CELF2: variants seen among roughly 807,000 people sequenced by gnomAD.
The protein encoded by CELF2 is CUG triplet repeat RNA-binding protein 2.
Under a neutral mutation model 62.6 loss-of-function variants are expected in CELF2, and 8 were observed. The observed-to-expected ratio is 0.13, with a 90% CI of 0.07 to 0.23. The LOEUF (loss-of-function observed/expected upper bound fraction) is 0.23. Among genes scored for constraint, CELF2 ranks in the 10% least tolerant of loss-of-function variants. The probability of loss-of-function intolerance (pLI) is 1.00; values close to 1 mark genes in which losing one functional copy is unlikely to be tolerated. For synonymous variants in CELF2, 258 were observed against 250.0 expected (o/e 1.03, Z -0.30); for missense variants, 333 against 671.0 (o/e 0.50, Z 5.56).
chr10:10,922,804 G>A (rs1177812512), intron 2 of CELF2: 4 of 152,218 alleles, frequency 2.6e-5, no homozygotes, highest in African/African-American at 9.7e-5. Context: ...ATAAAGGAGT[G>A]AGAAGTAATA....
intron 1 of CELF2, among the ~76,000 whole-genome samples, chr10:11,066,787 A>T (rs917224396): frequency 7.9e-5 from 12 of 152,072 alleles, no homozygotes; most frequent in African/African-American, 2.9e-4. Context: ...TTTCCCAATT[A>T]CAGCATGGTT....
chr10:11,151,386 T>C (rs1485244020), intron 1 of CELF2, among the ~76,000 whole-genome samples: 1 of 152,162 alleles, frequency 6.6e-6, no homozygotes, highest in Non-Finnish European at 1.5e-5. Flanking sequence ...CGAGGGAGTG[T>C]GTGAGTCAGT....
the CELF2 span, among the ~76,000 whole-genome samples, chr10:10,614,297 C>G: frequency 1.3e-5 from 2 of 151,988 alleles, no homozygotes; most frequent in African/African-American, 4.8e-5. Context: ...CTAGCATTCC[C>G]GCTCTACCAG....
the CELF2 span, among the ~76,000 whole-genome samples, chr10:10,787,324 A>G: frequency 6.6e-6 from 1 of 152,210 alleles, no homozygotes; most frequent in Admixed American, 6.5e-5. Context: ...ATGCTGGCCT[A>G]ATAGCTAGGA....
chr10:10,895,879 T>TA (rs1359023977), intron 1 of CELF2, among the ~76,000 whole-genome samples: 1 of 152,188 alleles, frequency 6.6e-6, no homozygotes, highest in Non-Finnish European at 1.5e-5. Context: ...TCCCCAAGCT[T>TA]ACTGCTTTGA....
chr10:10,670,580 G>A, the CELF2 span, among the ~76,000 whole-genome samples: 3 of 152,132 alleles, frequency 2.0e-5, no homozygotes, highest in East Asian at 1.9e-4. Context: ...TACATTCAGT[G>A]AACCTAGATT....
the CELF2 span, among the ~76,000 whole-genome samples, chr10:10,527,142 C>G: frequency 6.6e-6 from 1 of 152,188 alleles, no homozygotes; most frequent in Admixed American, 6.5e-5. Flanking sequence ...AGCTGACCTG[C>G]TCTTAATTAA....
chr10:10,544,485 A>G, the CELF2 span, among the ~76,000 whole-genome samples: 1 of 152,246 alleles, frequency 6.6e-6, no homozygotes, highest in South Asian at 2.1e-4. Flanking sequence ...GCATATCTAC[A>G]TAGGTATTAT....
At chr10:10,991,959 C>A (rs138541280) in intron 2 of CELF2, among the ~76,000 whole-genome samples, 1 of 152,126 alleles carries the variant, frequency 6.6e-6, no homozygotes, top group Admixed American at 6.6e-5. Flanking sequence ...TTATTTTTTA[C>A]GCTATTATGC....
At chr10:10,499,069 C>CTTT in the CELF2 span, among the ~76,000 whole-genome samples, 7 of 138,964 alleles carry the variant, frequency 5.0e-5, no homozygotes, top group East Asian at 4.2e-4. Context: ...AAGCATTCTA[C>CTTT]TTTTTTTTTT....
Position 11,018,059 on chromosome 10 carries a change from C to CCCGCCGCTG in CELF2, c.-23_-15dup, listed in dbSNP as rs2057566555. 4.3e-6 allele frequency: 6 copies of CCCGCCGCTG among 1,404,730 alleles called. No homozygotes were observed. The East Asian group carries it at 1.1e-4, about 26-fold the overall frequency. The allele number at this position is 1,404,730 out of a possible 1,614,324, so 87.0% of individuals were successfully genotyped here. ...CGCTCGGACGCGCGCAGAGCCGCCC[C>CCCGCCGCTG]CCGCCGCTGCCGCCGCGTGCGCCCG... On this transcript the variant is annotated 5_prime_UTR_variant, in exon 1 of 13. Coordinates refer to ENST00000633077, the MANE Select transcript of CELF2 (RefSeq NM_001326342.2).
upstream of CELF2, among the ~76,000 whole-genome samples, chr10:10,795,182 G>A (rs760553093): frequency 9.2e-5 from 14 of 151,684 alleles, no homozygotes; most frequent in African/African-American, 1.7e-4. Flanking sequence ...GGAAAGTGAC[G>A]AGACTTGTTG....
chr10:10,743,273 G>A, the CELF2 span, among the ~76,000 whole-genome samples: 1 of 152,204 alleles, frequency 6.6e-6, no homozygotes, highest in Non-Finnish European at 1.5e-5. Flanking sequence ...ATTGAAATGA[G>A]CGGTGGTCTT....
At chr10:11,122,952 C>G (rs117701742) in intron 1 of CELF2, among the ~76,000 whole-genome samples, 23 of 152,102 alleles carry the variant, frequency 1.5e-4, no homozygotes, top group South Asian at 6.2e-4. Context: ...AGCATCTCTC[C>G]GAAGGGCTAG....
In CELF2 at chr10:11,110,923, C is replaced by A. The variant is rs985783461; in HGVS notation, c.75-54563C>A. Among the ~76,000 whole-genome samples, 1 of 152,116 alleles carries A rather than the reference C, an allele frequency of 6.6e-6. No homozygotes were observed. The highest frequency in any genetic ancestry group is 1.5e-5 in the Non-Finnish European group (1 of 68,030). ...ACTGCAATGAGCATTTTATTGAATT[C>A]TTTCAAAACTGGAATTACAGAACGT... On this transcript the variant is annotated intron_variant, in intron 1 of 12. Coordinates refer to ENST00000633077, the MANE Select transcript of CELF2 (RefSeq NM_001326342.2). The surrounding 1 kb of genome is among the most constrained non-coding windows in gnomAD (Gnocchi z 4.0).
the CELF2 span, among the ~76,000 whole-genome samples, chr10:10,713,520 C>A: frequency 6.6e-6 from 1 of 152,236 alleles, no homozygotes; most frequent in East Asian, 1.9e-4. Context: ...CTGCAGAGTG[C>A]AGTTATCCAT....
intron 1 of CELF2, among the ~76,000 whole-genome samples, chr10:11,119,381 G>C (rs1237483965): frequency 6.6e-6 from 1 of 152,118 alleles, no homozygotes; most frequent in African/African-American, 2.4e-5. Flanking sequence ...GAAGAAGCTG[G>C]GGAGTGCCCT....
intron 1 of CELF2, among the ~76,000 whole-genome samples, chr10:11,057,034 G>A (rs909921399): frequency 6.6e-6 from 1 of 152,184 alleles, no homozygotes; most frequent in Non-Finnish European, 1.5e-5. Context: ...AGGTTGGTAG[G>A]TTGGAGGGGA....
the CELF2 span, among the ~76,000 whole-genome samples, chr10:10,609,364 T>A: frequency 7.0e-6 from 1 of 142,788 alleles, no homozygotes; most frequent in Non-Finnish European, 1.5e-5. Context: ...ATCCAATAAG[T>A]CATAGTGAGG....
Sources: allele counts gnomAD v4.1 joint callset (sites outside exome capture counted in the v4.1 genomes callset), GRCh38; gene constraint gnomAD v4.1.1; non-coding constraint Gnocchi (gnomAD v3.1); transcripts MANE v1.5; gene names NCBI Gene and HGNC (gene_info 2026-07-23, HGNC 2026-07-21).